Variants in DNAH11 observed in about 807,000 individuals in gnomAD.
DNAH11 encodes the protein dynein axonemal heavy chain 11.
A neutral mutation model predicts 526.0 loss-of-function variants in DNAH11; 442 were observed. That is an observed-to-expected ratio of 0.84 (90% CI 0.78 to 0.91). DNAH11 has a LOEUF of 0.91. Among genes scored for constraint, DNAH11 ranks in the 40% least tolerant of loss-of-function variants. The pLI, the probability that DNAH11 is intolerant of heterozygous loss-of-function variation, is 0.00. For missense variants in DNAH11, 6,989 were observed against 5,448.7 expected, an observed-to-expected ratio of 1.28 and a Z score of -8.90; for synonymous variants, 2,461 against 1,935.9, an observed-to-expected ratio of 1.27 and a Z score of -7.12.
chr7:21,818,983 A>G (rs2128001151), intron 65 of DNAH11, among the ~76,000 whole-genome samples: 2 of 152,234 alleles, frequency 1.3e-5, no homozygotes, highest in South Asian at 4.2e-4. Context: ...GGGGCATTGA[A>G]GCCATTTCTG....
Position 21,616,220 on chromosome 7 carries a change from T to C in DNAH11, c.4023T>C (p.Asp1341=). 6.2e-7 allele frequency: 1 copy of C among 1,613,590 alleles called. No homozygotes were observed. Among genetic ancestry groups the C allele is most frequent in the Non-Finnish European group, 8.5e-7 (1 of 1,179,658 alleles). Residue 1341 remains aspartate (D), a synonymous_variant, in exon 22 of 82, where the codon GAT becomes GAC. Coordinates refer to ENST00000409508, the MANE Select transcript of DNAH11 (RefSeq NM_001277115.2). ...DVIIYVRRSI[D]NWTKTQWRQI... ...TTTTGCGTTTTCAGAGAAGCATTGA[T>C]AATTGGACTAAAACCCAGTGGAGAC... is the stretch of plus-strand genomic sequence containing the variant.
intron 47 of DNAH11, among the ~76,000 whole-genome samples, chr7:21,739,109 T>TC (rs1785755643): frequency 6.6e-6 from 1 of 152,158 alleles, no homozygotes; most frequent in Non-Finnish European, 1.5e-5. Flanking sequence ...GAAAAGTGTC[T>TC]CAGAAATGTT....
At chr7:21,766,626 G>T (rs762183335) in intron 55 of DNAH11, among the ~76,000 whole-genome samples, 1 of 151,488 alleles carries the variant, frequency 6.6e-6, no homozygotes, top group Non-Finnish European at 1.5e-5. Flanking sequence ...CGGCCATATG[G>T]TTAAAAATCT....
At chr7:21,647,431 T>TTC (rs965513439) in intron 28 of DNAH11, among the ~76,000 whole-genome samples, 2 of 131,076 alleles carry the variant, frequency 1.5e-5, no homozygotes, top group African/African-American at 5.5e-5. Context: ...TTCTTTCTTT[T>TTC]TTTTTTTTTT....
Position 21,639,070 on chromosome 7 carries a change from T to C in DNAH11, c.4944+5T>C. On this transcript the variant is annotated splice_donor_5th_base_variant and intron_variant, in intron 28 of 81. Coordinates refer to ENST00000409508, the MANE Select transcript of DNAH11 (RefSeq NM_001277115.2). ...AAAGGAGCTCAGCCTAAACAGGTAA[T>C]ATTTTTTTTGAAAGTCTCGTATTAT... 6.2e-7 allele frequency: 1 copy of C among 1,606,876 alleles called. No homozygotes were observed. The highest frequency in any genetic ancestry group is 8.5e-7 in the Non-Finnish European group (1 of 1,177,920).
chr7:21,833,095 A>G (rs5010832), intron 65 of DNAH11, among the ~76,000 whole-genome samples: 36,528 of 152,164 alleles, frequency 0.24, 5,804 homozygotes, highest in African/African-American at 0.44. Flanking sequence ...GAACTGTCCC[A>G]TTGAACAATA....
intron 8 of DNAH11, among the ~76,000 whole-genome samples, chr7:21,576,435 CAGA>C (rs1784096125): frequency 6.6e-6 from 1 of 152,124 alleles, no homozygotes; most frequent in African/African-American, 2.4e-5. Flanking sequence ...TCTGAGATCC[CAGA>C]AGATCTTAAT....
chr7:21,761,604 G>C (rs1403981180), intron 54 of DNAH11, among the ~76,000 whole-genome samples: 1 of 152,108 alleles, frequency 6.6e-6, no homozygotes, highest in East Asian at 1.9e-4. Context: ...CCCACCTCCA[G>C]AGTTTCTGAT....
rs373124847 is a variant in DNAH11, at chr7:21,816,607, C to G, written c.10473C>G (p.Arg3491=). ...CCGCTATCCTAACACACTGTGAGCG[C>G]TGGCCTCTGGTGATAGATCCCCAGC... The part of the protein sequence containing the change: ...ENAAILTHCE[R]WPLVIDPQQQ... Residue 3491 remains arginine, a synonymous_variant, in exon 64 of 82, where the codon CGC becomes CGG. Coordinates refer to ENST00000409508, the MANE Select transcript of DNAH11 (RefSeq NM_001277115.2). 4.5e-5 allele frequency: 72 copies of G among 1,613,602 alleles called. No individual in the cohort carries two copies. Among genetic ancestry groups the G allele is most frequent in the Non-Finnish European group, 5.6e-5 (66 of 1,179,810 alleles).
intron 79 of DNAH11, among the ~76,000 whole-genome samples, chr7:21,897,387 C>T (rs955487382): frequency 1.3e-5 from 2 of 152,048 alleles, no homozygotes; most frequent in African/African-American, 4.8e-5. Flanking sequence ...GCCTTTGTAG[C>T]CATCACTCTC....
In DNAH11 at chr7:21,705,542, A is replaced by G. The variant is rs761184068; in HGVS notation, c.6546+5A>G. On this transcript the variant is annotated splice_donor_5th_base_variant and intron_variant, in intron 39 of 81. Coordinates refer to ENST00000409508, the MANE Select transcript of DNAH11 (RefSeq NM_001277115.2). ...GCAGGCACAGGAAAGAGTAAGGTAT[A>G]GTAAATTGCCTAATAGCTTACAGCT... 2.5e-6 allele frequency: 4 copies of G among 1,612,920 alleles called. No homozygotes were observed. The highest frequency in any genetic ancestry group is 3.3e-5 in the Admixed American group (2 of 59,956).
At chr7:21,560,025 C>T (rs1783391503) in intron 4 of DNAH11, among the ~76,000 whole-genome samples, 1 of 152,092 alleles carries the variant, frequency 6.6e-6, no homozygotes, top group Non-Finnish European at 1.5e-5. Flanking sequence ...TATTGTGCTA[C>T]CTTGGAAGAG....
intron 65 of DNAH11, among the ~76,000 whole-genome samples, chr7:21,830,648 C>T (rs183835112): frequency 6.6e-6 from 1 of 151,990 alleles, no homozygotes; most frequent in African/African-American, 2.4e-5. Flanking sequence ...TAAGCTAAGC[C>T]ACCTTGGCCA....
At chr7:21,691,348 G>A (rs1018603213) in intron 35 of DNAH11, among the ~76,000 whole-genome samples, 1 of 151,672 alleles carries the variant, frequency 6.6e-6, no homozygotes, top group Non-Finnish European at 1.5e-5. Flanking sequence ...AAGGGCTAGG[G>A]CTGGGGTGGG....
At chr7:21,625,634 T>C (rs370948645) in intron 25 of DNAH11, among the ~76,000 whole-genome samples, 5 of 152,264 alleles carry the variant, frequency 3.3e-5, no homozygotes, top group African/African-American at 9.6e-5. Flanking sequence ...TAAACACTTA[T>C]TGCTAAAAAC....
At chr7:21,757,895 C>G (rs554315378) in intron 54 of DNAH11, among the ~76,000 whole-genome samples, 1 of 152,330 alleles carries the variant, frequency 6.6e-6, no homozygotes, top group South Asian at 2.1e-4. Context: ...AACTACTCAC[C>G]TGGCCAGTGG....
At chr7:21,594,574 G>A (rs971433152) in intron 14 of DNAH11, among the ~76,000 whole-genome samples, 2 of 152,236 alleles carry the variant, frequency 1.3e-5, no homozygotes, top group Non-Finnish European at 1.5e-5. Flanking sequence ...GTTTTAAGTA[G>A]GATGATCAGA....
intron 2 of DNAH11, among the ~76,000 whole-genome samples, chr7:21,548,346 A>C (rs921802554): frequency 2.6e-5 from 4 of 152,136 alleles, no homozygotes; most frequent in Non-Finnish European, 5.9e-5. Context: ...ATAACTGATG[A>C]ATTTTTGTTG....
At chr7:21,670,262 T>C (rs538145930) in intron 30 of DNAH11, among the ~76,000 whole-genome samples, 1 of 152,118 alleles carries the variant, frequency 6.6e-6, no homozygotes, top group South Asian at 2.1e-4. Context: ...CTCATTAGAT[T>C]TATTTTTAGA....
Sources: allele counts gnomAD v4.1 joint callset (sites outside exome capture counted in the v4.1 genomes callset), GRCh38; gene constraint gnomAD v4.1.1; transcripts MANE v1.5; gene names NCBI Gene and HGNC (gene_info 2026-07-23, HGNC 2026-07-21).